Variants in RELCH observed in about 807,000 individuals in gnomAD.
The protein encoded by RELCH is RAB11 binding and LisH domain, coiled-coil and HEAT repeat containing.
RELCH carries 41 observed loss-of-function variants against 150.3 expected under a neutral mutation model. The ratio of observed to expected loss-of-function variants is 0.27; its 90% confidence interval spans 0.21 to 0.35. RELCH has a LOEUF of 0.35. RELCH is among the 10% of genes least tolerant of loss of function. RELCH has a pLI of 1.00. For synonymous variants in RELCH, 478 were observed against 531.8 expected (o/e 0.90, Z 1.39); for missense variants, 1,092 against 1,467.8 (o/e 0.74, Z 4.18).
chr18:62,251,754 T>C (rs944414212), intron 11 of RELCH, among the ~76,000 whole-genome samples: 2 of 152,172 alleles, frequency 1.3e-5, no homozygotes, highest in African/African-American at 4.8e-5. Flanking sequence ...GAATAATCAC[T>C]GGTTGTTTTA....
At chr18:62,216,490 T>A (rs955705957) in intron 2 of RELCH, among the ~76,000 whole-genome samples, 1 of 152,152 alleles carries the variant, frequency 6.6e-6, no homozygotes, top group Non-Finnish European at 1.5e-5. Flanking sequence ...ACTAGAACTA[T>A]GCTTTCTGAT....
chr18:62,260,502 CAG>C (rs1600125601), intron 15 of RELCH, among the ~76,000 whole-genome samples: 2 of 151,546 alleles, frequency 1.3e-5, no homozygotes, highest in African/African-American at 4.8e-5. Context: ...AAACTAAAAA[CAG>C]AAATACCTGT....
chr18:62,243,180 C>A (rs1290405494), intron 10 of RELCH, among the ~76,000 whole-genome samples: 1 of 152,082 alleles, frequency 6.6e-6, no homozygotes, highest in Non-Finnish European at 1.5e-5. Flanking sequence ...TGCCTCTCAG[C>A]AGCCCATATG....
intron 17 of RELCH, among the ~76,000 whole-genome samples, chr18:62,264,360 G>C (rs2043436715): frequency 6.6e-6 from 1 of 152,028 alleles, no homozygotes; most frequent in African/African-American, 2.4e-5. Context: ...CTGCCATCTT[G>C]TTTGTCCAAT....
chr18:62,220,826 A>C, intron 2 of RELCH: 1 of 568,016 alleles, frequency 1.8e-6, no homozygotes, highest in Non-Finnish European at 3.1e-6. Flanking sequence ...AACCCCCTGA[A>C]TTCTACTAAA....
chr18:62,189,330 T>C (rs1176144302), intron 1 of RELCH, among the ~76,000 whole-genome samples: 1 of 151,714 alleles, frequency 6.6e-6, no homozygotes, highest in African/African-American at 2.4e-5. Context: ...ATCTCATGAT[T>C]TTTCACCAGA....
chr18:62,212,099 C>A (rs1943691979), intron 2 of RELCH, among the ~76,000 whole-genome samples: 1 of 152,228 alleles, frequency 6.6e-6, no homozygotes, highest in African/African-American at 2.4e-5. Flanking sequence ...ACCATTGGAT[C>A]TGTAGGGACT....
At chr18:62,274,859 A>G (rs1235484622) in intron 21 of RELCH, among the ~76,000 whole-genome samples, 1 of 152,236 alleles carries the variant, frequency 6.6e-6, no homozygotes, top group Non-Finnish European at 1.5e-5. Flanking sequence ...ATTTCTGAAT[A>G]TGCTAAAAGA....
chr18:62,233,434 G>A (rs1402427209), intron 10 of RELCH, among the ~76,000 whole-genome samples: 1 of 151,838 alleles, frequency 6.6e-6, no homozygotes. Context: ...TATCCATTTA[G>A]CACAAGAAAT....
At chr18:62,296,956 G>A (rs771354479) in intron 27 of RELCH, among the ~76,000 whole-genome samples, 2 of 152,186 alleles carry the variant, frequency 1.3e-5, no homozygotes, top group Admixed American at 6.5e-5. Flanking sequence ...CAGGATAAAT[G>A]CTAAATCTAA....
chr18:62,278,775 G>A (rs1484138736), intron 22 of RELCH, among the ~76,000 whole-genome samples: 2 of 152,062 alleles, frequency 1.3e-5, no homozygotes, highest in African/African-American at 4.8e-5. Flanking sequence ...CTCTTGTATT[G>A]CAATTTAGCA....
At chr18:62,247,692 A>G (rs933731167) in intron 11 of RELCH, among the ~76,000 whole-genome samples, 8 of 152,002 alleles carry the variant, frequency 5.3e-5, no homozygotes, top group African/African-American at 1.9e-4. Context: ...GACCACAGGC[A>G]TGCATCACCA....
At position 62,307,540 on chromosome 18, in the gene RELCH, A is replaced by G. The variant is rs146777225; in HGVS notation, c.*2006A>G. 6.6e-6 allele frequency: 1 copy of G among 152,126 alleles called. No individual in the cohort carries two copies. Among genetic ancestry groups the G allele is most frequent in the African/African-American group, 2.4e-5 (1 of 41,444 alleles). 9.4% of individuals were successfully genotyped at this position (152,126 alleles called of 1,614,324 possible). Reference sequence around the variant, plus strand: ...TTTCTTAAATATTTTAATATCATTAAGATTTCACATTGTGGTTTTGTTTTT... The same window carrying G: ...TTTCTTAAATATTTTAATATCATTAGGATTTCACATTGTGGTTTTGTTTTT... On this transcript the variant is annotated 3_prime_UTR_variant, in exon 29 of 29. Coordinates refer to ENST00000644646, the MANE Select transcript of RELCH (RefSeq NM_001346231.2).
At chr18:62,199,450 A>T (rs1488706112) in intron 1 of RELCH, among the ~76,000 whole-genome samples, 1 of 152,226 alleles carries the variant, frequency 6.6e-6, no homozygotes, top group Non-Finnish European at 1.5e-5. Context: ...TAAGGTAGAC[A>T]GTTTATAGAA....
chr18:62,243,076 A>G (rs1446295512), intron 10 of RELCH, among the ~76,000 whole-genome samples: 1 of 152,094 alleles, frequency 6.6e-6, no homozygotes, highest in Non-Finnish European at 1.5e-5. Flanking sequence ...TCACTTTTTT[A>G]ATGCTTCCAG....
chr18:62,239,640 G>T (rs1313024054), intron 10 of RELCH, among the ~76,000 whole-genome samples: 1 of 151,996 alleles, frequency 6.6e-6, no homozygotes, highest in African/African-American at 2.4e-5. Flanking sequence ...ATTTCCAAAT[G>T]ATCTTTTCAA....
At chr18:62,204,139 G>A (rs1439687325) in intron 1 of RELCH, among the ~76,000 whole-genome samples, 1 of 152,096 alleles carries the variant, frequency 6.6e-6, no homozygotes. Context: ...TTTTAGTGGT[G>A]TTAGGATGAT....
In RELCH at chr18:62,308,522, C is replaced by A. The variant is rs755754408; in HGVS notation, c.*2988C>A. ...ATCACTTGAGGTCAGTAGTTCAAGACCAGCCTGGCCAACGTGGTGAAACCC... is the reference window on the plus strand; with the variant it reads ...ATCACTTGAGGTCAGTAGTTCAAGAACAGCCTGGCCAACGTGGTGAAACCC... On this transcript the variant is annotated 3_prime_UTR_variant, in exon 29 of 29. Transcript: ENST00000644646. 8.0e-4 allele frequency: 122 copies of A among 152,040 alleles called. 2 individuals carry two copies. Among genetic ancestry groups the A allele is most frequent in the Non-Finnish European group, 1.6e-3 (106 of 68,012 alleles). 9.4% of individuals were successfully genotyped at this position (152,040 alleles called of 1,614,324 possible).
intron 1 of RELCH, among the ~76,000 whole-genome samples, chr18:62,196,620 A>G (rs1028521739): frequency 6.6e-6 from 1 of 152,208 alleles, no homozygotes; most frequent in Non-Finnish European, 1.5e-5. Context: ...GTTCCTAAAT[A>G]TATCTACTGT....
Sources: allele counts gnomAD v4.1 joint callset (sites outside exome capture counted in the v4.1 genomes callset), GRCh38; gene constraint gnomAD v4.1.1; transcripts MANE v1.5; gene names NCBI Gene and HGNC (gene_info 2026-07-23, HGNC 2026-07-21).